The following CTNNA3 variants were observed in gnomAD, a reference collection of about 807,000 sequenced individuals.
The protein encoded by CTNNA3 is catenin alpha-3.
CTNNA3 carries 76 observed loss-of-function variants against 95.7 expected under a neutral mutation model. The ratio of observed to expected loss-of-function variants is 0.79; its 90% confidence interval spans 0.66 to 0.96. The LOEUF (loss-of-function observed/expected upper bound fraction) is 0.96, where lower values mean the gene tolerates loss of function less well. CTNNA3 is among the 40% of genes least tolerant of loss of function. CTNNA3 has a pLI of 0.00. For missense variants in CTNNA3, 1,191 were observed against 1,089.8 expected (o/e 1.09, Z -1.31); for synonymous variants, 431 against 374.4 (o/e 1.15, Z -1.74).
At chr10:66,666,008 T>G (rs1001070522) in intron 9 of CTNNA3, among the ~76,000 whole-genome samples, 1 of 152,122 alleles carries the variant, frequency 6.6e-6, no homozygotes, top group African/African-American at 2.4e-5. Flanking sequence ...AGTCACAGAA[T>G]CTTAGCTTTC....
Position 66,483,216 on chromosome 10 carries a change from T to A in CTNNA3, c.1531+37401A>T, listed in dbSNP as rs145244290. ...TATTATTGTATATCCTTGGGCAAAT[T>A]AATTAATATTTTGGAGAAGCAGTTT... On this transcript the variant is annotated intron_variant, in intron 11 of 17. Coordinates refer to ENST00000433211, the MANE Select transcript of CTNNA3 (RefSeq NM_013266.4). Among the ~76,000 whole-genome samples the A allele has an allele frequency of 5.9e-3, 901 of 152,320 alleles. 11 individuals are homozygous for A. The highest frequency in any genetic ancestry group is 0.021 in the African/African-American group (858 of 41,580).
rs574783121 is a variant in CTNNA3 at position 65,970,783 on chromosome 10, T to C, written c.2266-4037A>G. On this transcript the variant is annotated intron_variant, in intron 16 of 17. Transcript: ENST00000433211. ...AACAGTAATAAAGGACAAAGAAGGG[T>C]ATTACATGATGATAAAGGGTTGAAT... Among the ~76,000 whole-genome samples the C allele has an allele frequency of 3.4e-3, 509 of 150,152 alleles. 6 individuals are homozygous for C. The highest frequency in any genetic ancestry group is 0.012 in the African/African-American group (487 of 41,222).
chr10:67,184,928 A>C (rs956495408), intron 6 of CTNNA3, among the ~76,000 whole-genome samples: 8 of 152,126 alleles, frequency 5.3e-5, no homozygotes, highest in African/African-American at 1.4e-4. Flanking sequence ...AGTTAGTATG[A>C]GTTTATTTTG....
chr10:67,383,660 A>C (rs1844032646), intron 5 of CTNNA3, among the ~76,000 whole-genome samples: 1 of 68,222 alleles, frequency 1.5e-5, no homozygotes, highest in Non-Finnish European at 6.4e-5. Flanking sequence ...AACTAGAGCT[A>C]TGCTAGGCAT....
intron 5 of CTNNA3, among the ~76,000 whole-genome samples, chr10:67,512,859 C>T (rs1031431420): frequency 1.3e-5 from 2 of 152,082 alleles, no homozygotes; most frequent in African/African-American, 4.8e-5. Context: ...ATGGTACACA[C>T]CTGTAGTCCC....
chr10:66,045,760 C>T (rs1315734093), intron 15 of CTNNA3, among the ~76,000 whole-genome samples: 3 of 151,954 alleles, frequency 2.0e-5, no homozygotes, highest in African/African-American at 4.8e-5. Flanking sequence ...TTCTTCTAGG[C>T]TACTAAGCTC....
rs183405359 is a variant in CTNNA3 at position 67,625,082 on chromosome 10, C to T, written c.100-18033G>A. On this transcript the variant is annotated intron_variant, in intron 2 of 17. Coordinates refer to ENST00000433211, the MANE Select transcript of CTNNA3 (RefSeq NM_013266.4). ...TCCAGTGGGCATGATTTTTGGGCCA[C>T]GTCTGGTGGCCAGCCTAAAAGGACT... Among the ~76,000 whole-genome samples the T allele has an allele frequency of 9.2e-5, 14 of 152,262 alleles. No homozygotes were observed. The East Asian group carries it at 2.7e-3, about 29-fold the overall frequency.
At chr10:67,062,518 T>C (rs745957674) in intron 7 of CTNNA3, among the ~76,000 whole-genome samples, 3 of 152,176 alleles carry the variant, frequency 2.0e-5, no homozygotes, top group Non-Finnish European at 4.4e-5. Context: ...GTTGAAAGTG[T>C]GTGTGTGTCT....
At chr10:67,335,801 G>A (rs374554988) in intron 5 of CTNNA3, among the ~76,000 whole-genome samples, 18 of 152,030 alleles carry the variant, frequency 1.2e-4, no homozygotes, top group African/African-American at 4.1e-4. Context: ...AGAACCTATC[G>A]ACAACGTTGA....
chr10:67,298,214 A>C (rs1339835309), intron 5 of CTNNA3, among the ~76,000 whole-genome samples: 1 of 152,192 alleles, frequency 6.6e-6, no homozygotes, highest in Non-Finnish European at 1.5e-5. Context: ...TAATGCAGAG[A>C]CCTTCCTTTC....
intron 17 of CTNNA3, 110 bp downstream of exon 17, chr10:65,966,502 T>A: frequency 2.2e-6 from 2 of 929,006 alleles, no homozygotes; most frequent in African/African-American, 1.7e-5. Flanking sequence ...TCCAATTTAG[T>A]TTTTCTAAAC....
intron 9 of CTNNA3, among the ~76,000 whole-genome samples, chr10:66,704,358 G>A (rs1848051088): frequency 2.0e-5 from 3 of 152,100 alleles, no homozygotes; most frequent in Admixed American, 6.6e-5. Context: ...TCTTATCACT[G>A]TTACCCAATA....
chr10:66,728,412 T>C (rs1025878674), intron 9 of CTNNA3, among the ~76,000 whole-genome samples: 4 of 152,228 alleles, frequency 2.6e-5, no homozygotes, highest in Non-Finnish European at 5.9e-5. Context: ...TTTATTTTGC[T>C]GTGTAGAAGC....
chr10:66,569,684 T>C (rs1035687803), intron 10 of CTNNA3, among the ~76,000 whole-genome samples: 2 of 152,118 alleles, frequency 1.3e-5, no homozygotes, highest in East Asian at 1.9e-4. Flanking sequence ...TTAAACATGA[T>C]GGCTTTGAGA....
At chr10:66,843,087 C>T (rs1247336826) in intron 7 of CTNNA3, among the ~76,000 whole-genome samples, 1 of 152,048 alleles carries the variant, frequency 6.6e-6, no homozygotes, top group East Asian at 1.9e-4. Flanking sequence ...AAAATCAATA[C>T]CCTGTGTAAG....
At position 66,772,065 on chromosome 10, in the gene CTNNA3, C is replaced by T. The variant is rs565397323; in HGVS notation, c.1128+3379G>A. On this transcript the variant is annotated intron_variant, in intron 8 of 17. Coordinates refer to ENST00000433211, the MANE Select transcript of CTNNA3 (RefSeq NM_013266.4). ...TGTACAAGTCATATGTACAAAGATG[C>T]AAGTGTATTTGAGCGGGAGGTGATG... 1.6e-3 allele frequency among the ~76,000 whole-genome samples: 242 copies of T among 152,086 alleles called. 1 individual carries two copies. The highest frequency in any genetic ancestry group is 5.5e-3 in the African/African-American group (228 of 41,480).
At chr10:67,168,661 C>T (rs959891869) in intron 7 of CTNNA3, among the ~76,000 whole-genome samples, 4 of 152,132 alleles carry the variant, frequency 2.6e-5, no homozygotes, top group African/African-American at 7.2e-5. Flanking sequence ...TATGACAAAC[C>T]TACAGCCAAC....
intron 10 of CTNNA3, among the ~76,000 whole-genome samples, chr10:66,540,640 C>G (rs1283695031): frequency 2.0e-5 from 3 of 150,746 alleles, no homozygotes; most frequent in Non-Finnish European, 4.4e-5. Context: ...CCTTCCCTTC[C>G]CTTCCTCTTT....
chr10:66,962,331 C>A (rs1849154432), intron 7 of CTNNA3, among the ~76,000 whole-genome samples: 1 of 152,124 alleles, frequency 6.6e-6, no homozygotes, highest in African/African-American at 2.4e-5. Context: ...ACTTACACCT[C>A]CTTCTGCCTA....
Sources: allele counts gnomAD v4.1 joint callset (sites outside exome capture counted in the v4.1 genomes callset), GRCh38; gene constraint gnomAD v4.1.1; transcripts MANE v1.5; gene names NCBI Gene and HGNC (gene_info 2026-07-23, HGNC 2026-07-21).